ENPP3: variants seen among roughly 807,000 people sequenced by gnomAD.
ENPP3 encodes ectonucleotide pyrophosphatase/phosphodiesterase 3.
A neutral mutation model predicts 117.8 loss-of-function variants in ENPP3; 104 were observed. That is an observed-to-expected ratio of 0.88 (90% CI 0.75 to 1.04). The LOEUF (loss-of-function observed/expected upper bound fraction) is 1.04, where lower values mean the gene tolerates loss of function less well. Among genes scored for constraint, ENPP3 ranks in the 50% least tolerant of loss-of-function variants. The pLI, the probability that ENPP3 is intolerant of heterozygous loss-of-function variation, is 0.00. For missense variants in ENPP3, 1,026 were observed against 1,051.9 expected (o/e 0.98, Z 0.34); for synonymous variants, 380 against 349.9 (o/e 1.09, Z -0.96).
intron 16 of ENPP3, among the ~76,000 whole-genome samples, chr6:131,719,893 T>C (rs1342226424): frequency 1.9e-4 from 29 of 152,184 alleles, no homozygotes. Context: ...CATGTTAACA[T>C]ATTCGATTAA....
intron 2 of ENPP3, among the ~76,000 whole-genome samples, chr6:131,641,799 GTTT>G (rs540011427): frequency 1.7e-4 from 11 of 64,050 alleles, no homozygotes; most frequent in Admixed American, 8.1e-4. Flanking sequence ...CTCCACCCTG[GTTT>G]TTTTTTTTTT....
intron 14 of ENPP3, 38 bp from the exon 15 acceptor site, chr6:131,693,459 T>C: frequency 6.4e-7 from 1 of 1,569,684 alleles, no homozygotes; most frequent in Non-Finnish European, 8.7e-7. Flanking sequence ...AATTTGCATA[T>C]CTTATGTATC....
At position 131,677,921 on chromosome 6, in the gene ENPP3, G is replaced by T. The variant is rs753054637; in HGVS notation, c.992G>T (p.Gly331Val). 1.9e-6 allele frequency: 3 copies of T among 1,609,716 alleles called. No homozygotes were observed. Among genetic ancestry groups the T allele is most frequent in the Non-Finnish European group, 1.7e-6 (2 of 1,176,374 alleles). Residue 331 changes from glycine to valine, a missense_variant, in exon 11 of 25, where the codon GGT becomes GTT. Physicochemically the swap from Gly to Val is moderately radical, Grantham distance 109. Coordinates refer to ENST00000357639, the MANE Select transcript of ENPP3 (RefSeq NM_005021.5). ...FEEPDSSGHA[G>V]GPVSARVIKA... is the part of the protein sequence containing the mutation. ...GAACCTGATTCCTCTGGACATGCAGGTGGACCAGTCAGTGCCAGAGTAAGT... is the reference window on the plus strand; with the variant it reads ...GAACCTGATTCCTCTGGACATGCAGTTGGACCAGTCAGTGCCAGAGTAAGT...
chr6:131,724,173 T>A, intron 19 of ENPP3, 82 bp downstream of exon 19: 2 of 881,578 alleles, frequency 2.3e-6, no homozygotes. Flanking sequence ...CTCTCCAAAA[T>A]AAGCTGACAG....
chr6:131,690,738 A>G (rs1008917111), intron 14 of ENPP3, among the ~76,000 whole-genome samples: 2 of 151,940 alleles, frequency 1.3e-5, no homozygotes, highest in Admixed American at 1.3e-4. Context: ...TGCCCATTAG[A>G]GCAGAATTTC....
intron 6 of ENPP3, among the ~76,000 whole-genome samples, chr6:131,665,352 T>A (rs1778595431): frequency 6.6e-6 from 1 of 152,152 alleles, no homozygotes; most frequent in South Asian, 2.1e-4. Context: ...GTAAAGAAAT[T>A]GTCAGTGAAG....
chr6:131,676,866 T>A, intron 10 of ENPP3, 65 bp downstream of exon 10: 1 of 1,080,110 alleles, frequency 9.3e-7, no homozygotes, highest in Non-Finnish European at 1.4e-6. Flanking sequence ...ATGAAGTTTT[T>A]TTTTTTTTAC....
At chr6:131,657,409 A>G (rs1372477910) in intron 5 of ENPP3, among the ~76,000 whole-genome samples, 2 of 152,162 alleles carry the variant, frequency 1.3e-5, no homozygotes, top group Admixed American at 1.3e-4. Context: ...TTTTATGTAA[A>G]TGGAGTTAAA....
chr6:131,685,555 C>A, intron 13 of ENPP3, 60 bp downstream of exon 13: 1 of 1,535,696 alleles, frequency 6.5e-7, no homozygotes, highest in East Asian at 2.3e-5. Flanking sequence ...TAACCATAGT[C>A]CACTAATTCT....
intron 6 of ENPP3, among the ~76,000 whole-genome samples, chr6:131,663,718 C>A: frequency 6.6e-6 from 1 of 151,538 alleles, no homozygotes; most frequent in African/African-American, 2.4e-5. Context: ...ATCCTATCAC[C>A]TAGTGATGTC....
chr6:131,693,445 A>G, intron 14 of ENPP3, 52 bp from the exon 15 acceptor site: 1 of 1,522,480 alleles, frequency 6.6e-7, no homozygotes, highest in Non-Finnish European at 8.9e-7. Context: ...GAACTTTTAA[A>G]ATTAATTTGC....
intron 21 of ENPP3, among the ~76,000 whole-genome samples, chr6:131,735,825 G>A (rs754774354): frequency 3.9e-5 from 6 of 152,174 alleles, no homozygotes; most frequent in Non-Finnish European, 7.4e-5. Context: ...GGGGGAGGGA[G>A]AAATGGGGAG....
chr6:131,728,809 A>C (rs758128106), intron 20 of ENPP3, among the ~76,000 whole-genome samples: 2 of 152,174 alleles, frequency 1.3e-5, no homozygotes, highest in Non-Finnish European at 2.9e-5. Flanking sequence ...TTGTGATTTG[A>C]AATCATGGTC....
At chr6:131,664,435 A>C (rs1032954592) in intron 6 of ENPP3, among the ~76,000 whole-genome samples, 2 of 152,274 alleles carry the variant, frequency 1.3e-5, no homozygotes, top group Admixed American at 1.3e-4. Context: ...AAGAGTTAAA[A>C]AAATTAAAAG....
At chr6:131,727,414 G>A (rs954203357) in intron 20 of ENPP3, among the ~76,000 whole-genome samples, 1 of 151,942 alleles carries the variant, frequency 6.6e-6, no homozygotes, top group African/African-American at 2.4e-5. Context: ...AATTAGGCAG[G>A]CGGGGTGGCA....
In ENPP3 at chr6:131,733,594, A is replaced by G. The variant is rs751844737; in HGVS notation, c.1960A>G (p.Thr654Ala). The change falls in exon 21 of 25, where the codon ACA (threonine) becomes GCA (alanine). Residue 654 changes from threonine to alanine, a missense_variant. By Grantham distance (58) the Thr-to-Ala change is moderately conservative. Transcript: ENST00000357639. Reference protein sequence around the residue: ...SSYTVPQLGDTSPLPPTVPDC... With the variant: ...SSYTVPQLGDASPLPPTVPDC... ...TCTCTCTCTCTTTGAACAGGGAGAC[A>G]CATCGCCTCTGCCTCCCACTGTCCC... 1.7e-5 allele frequency: 28 copies of G among 1,612,712 alleles called. No homozygotes were observed. Among genetic ancestry groups the G allele is most frequent in the Non-Finnish European group, 2.3e-5 (27 of 1,179,062 alleles).
chr6:131,728,426 C>T (rs1180740993), intron 20 of ENPP3, among the ~76,000 whole-genome samples: 1 of 152,118 alleles, frequency 6.6e-6, no homozygotes, highest in Non-Finnish European at 1.5e-5. Context: ...TACAATTCTT[C>T]TTTGTTATTG....
In ENPP3 at chr6:131,721,242, G is replaced by A. The variant is rs74963046; in HGVS notation, c.1567+863G>A. Among the ~76,000 whole-genome samples, 1,404 of 152,248 alleles carry A rather than the reference G, an allele frequency of 9.2e-3. 22 individuals are homozygous for A. The highest frequency in any genetic ancestry group is 0.031 in the African/African-American group (1,306 of 41,534). ...AAGGCAATGAGTAAGCTGCAATTTC[G>A]CTGTTAGCTTTAGAAATTTGGACAT... is the stretch of plus-strand genomic sequence containing the variant. On this transcript the variant is annotated intron_variant, in intron 17 of 24. Transcript: ENST00000357639.
At chr6:131,730,086 T>C (rs1780243466) in intron 20 of ENPP3, among the ~76,000 whole-genome samples, 1 of 152,204 alleles carries the variant, frequency 6.6e-6, no homozygotes, top group South Asian at 2.1e-4. Flanking sequence ...CCTTACATTA[T>C]GGAAAATGCA....
Sources: allele counts gnomAD v4.1 joint callset (sites outside exome capture counted in the v4.1 genomes callset), GRCh38; gene constraint gnomAD v4.1.1; transcripts MANE v1.5; gene names NCBI Gene and HGNC (gene_info 2026-07-23, HGNC 2026-07-21).